KCNN2: variants seen among roughly 807,000 people sequenced by gnomAD.
KCNN2 encodes potassium calcium-activated channel subfamily N member 2, also known as small conductance calcium-activated potassium channel protein 2.
KCNN2 carries 24 observed loss-of-function variants against 55.5 expected under a neutral mutation model. That is an observed-to-expected ratio of 0.43 (90% CI 0.31 to 0.61). The LOEUF (loss-of-function observed/expected upper bound fraction) is 0.61, where lower values mean the gene tolerates loss of function less well. Ranked by LOEUF, KCNN2 falls within the 20% of genes least tolerant of loss-of-function variation. KCNN2 has a pLI of 0.08. For missense variants in KCNN2, 754 were observed against 853.6 expected (o/e 0.88, Z 1.45); for synonymous variants, 431 against 336.1 (o/e 1.28, Z -3.09).
intron 4 of KCNN2, among the ~76,000 whole-genome samples, chr5:114,470,031 A>T (rs1054888473): frequency 6.6e-6 from 1 of 152,156 alleles, no homozygotes; most frequent in South Asian, 2.1e-4. Flanking sequence ...TTACTAAATG[A>T]TTGGATTAAT....
intron 1 of KCNN2, among the ~76,000 whole-genome samples, chr5:114,147,704 C>G (rs917543969): frequency 6.6e-6 from 1 of 152,116 alleles, no homozygotes; most frequent in African/African-American, 2.4e-5. Flanking sequence ...TGAGATAATG[C>G]ATAAGTAGGG....
intron 1 of KCNN2, among the ~76,000 whole-genome samples, chr5:114,152,135 G>T (rs1176206587): frequency 1.3e-5 from 2 of 152,064 alleles, no homozygotes; most frequent in Non-Finnish European, 2.9e-5. Context: ...CAATAAAAAT[G>T]TCTCATTATA....
intron 1 of KCNN2, among the ~76,000 whole-genome samples, chr5:114,105,664 G>T (rs931866533): frequency 6.6e-6 from 1 of 151,790 alleles, no homozygotes; most frequent in Admixed American, 6.6e-5. Flanking sequence ...AAAATACCAG[G>T]GTAATTTGTT....
At chr5:114,210,787 A>G (rs911529307) in intron 1 of KCNN2, among the ~76,000 whole-genome samples, 1 of 152,192 alleles carries the variant, frequency 6.6e-6, no homozygotes, top group Admixed American at 6.6e-5. Flanking sequence ...TCACTGTTTT[A>G]TTAGTATATA....
intron 1 of KCNN2, among the ~76,000 whole-genome samples, chr5:114,183,994 T>C (rs779105514): frequency 6.6e-6 from 1 of 152,172 alleles, no homozygotes; most frequent in Non-Finnish European, 1.5e-5. Context: ...CTGAAAGATA[T>C]ATGCCTTGAT....
At chr5:114,070,643 A>C (rs767489403) in intron 1 of KCNN2, among the ~76,000 whole-genome samples, 1 of 152,214 alleles carries the variant, frequency 6.6e-6, no homozygotes, top group Non-Finnish European at 1.5e-5. Context: ...CAGTATTCTC[A>C]GGACTGACAT....
intron 2 of KCNN2, among the ~76,000 whole-genome samples, chr5:114,305,440 G>A (rs1388039726): frequency 6.6e-6 from 1 of 152,150 alleles, no homozygotes; most frequent in Non-Finnish European, 1.5e-5. Flanking sequence ...TGTTATCTCT[G>A]TGTTGGGGTA....
chr5:114,191,532 T>TA (rs919025201), intron 1 of KCNN2, among the ~76,000 whole-genome samples: 1 of 152,040 alleles, frequency 6.6e-6, no homozygotes, highest in Non-Finnish European at 1.5e-5. Flanking sequence ...GTTTAAGTAA[T>TA]AAAAAAATTA....
rs1561537215 is a variant in KCNN2 at position 114,241,796 on chromosome 5, ATATATATACG to A, written c.-185+20240_-185+20249del. ...TATACATATATACGTATATATATGT[ATATATATACG>A]TATATATATATATGTGTGTATATAT... On this transcript the variant is annotated intron_variant, in intron 2 of 10. Coordinates refer to the KCNN2 transcript ENST00000512097. 2.9e-4 allele frequency among the ~76,000 whole-genome samples: 7 copies of A among 24,344 alleles called. 1 individual carries two copies. Among genetic ancestry groups the A allele is most frequent in the South Asian group, 2.0e-3 (1 of 488 alleles). The allele number at this position is 24,344 out of a possible 152,430, so 16.0% of individuals were successfully genotyped here. A position where few individuals can be genotyped will look rare whatever the true frequency, so the allele number is the denominator to read the frequency against.
intron 2 of KCNN2, among the ~76,000 whole-genome samples, chr5:114,233,863 T>C (rs569061315): frequency 6.6e-6 from 1 of 152,300 alleles, no homozygotes; most frequent in Admixed American, 6.5e-5. Context: ...CCCTATCCTC[T>C]GTATCAGTCA....
chr5:114,285,393 C>A (rs1486082986), intron 2 of KCNN2, among the ~76,000 whole-genome samples: 1 of 150,778 alleles, frequency 6.6e-6, no homozygotes, highest in Non-Finnish European at 1.5e-5. Context: ...TGAGTGCAGT[C>A]TGTGAGGGTG....
At chr5:114,359,022 T>C (rs1757354583), upstream of KCNN2, among the ~76,000 whole-genome samples, 1 of 152,222 alleles carries the variant, frequency 6.6e-6, no homozygotes, top group Non-Finnish European at 1.5e-5. Context: ...TTCATCATCA[T>C]AGTAATACAG....
chr5:114,108,994 A>G (rs142382851), intron 1 of KCNN2, among the ~76,000 whole-genome samples: 28 of 152,064 alleles, frequency 1.8e-4, no homozygotes, highest in Admixed American at 7.9e-4. Flanking sequence ...TCAGTTTATG[A>G]GAGTTGCTGT....
At chr5:114,057,082 C>T (rs964387919) in intron 1 of KCNN2, 2 of 152,138 alleles carry the variant, frequency 1.3e-5, no homozygotes, top group African/African-American at 2.4e-5. Context: ...GTCCTACCTC[C>T]TCTTCTTCTT....
intron 5 of KCNN2, among the ~76,000 whole-genome samples, chr5:114,480,177 A>G (rs1362189922): frequency 6.6e-6 from 1 of 152,178 alleles, no homozygotes; most frequent in African/African-American, 2.4e-5. Flanking sequence ...TAAGGGGGAT[A>G]TTACCACTGA....
intron 1 of KCNN2, among the ~76,000 whole-genome samples, chr5:114,074,721 C>T (rs1313822667): frequency 6.6e-6 from 1 of 152,060 alleles, no homozygotes; most frequent in African/African-American, 2.4e-5. Context: ...TTTCCAACTG[C>T]CCAGAGAGAT....
At chr5:114,072,296 A>T (rs1354942021) in intron 1 of KCNN2, among the ~76,000 whole-genome samples, 1 of 151,880 alleles carries the variant, frequency 6.6e-6, no homozygotes, top group African/African-American at 2.4e-5. Context: ...CCATCTAAAA[A>T]AAAAAAAAAG....
chr5:114,289,717 T>G (rs1421589011), intron 2 of KCNN2, among the ~76,000 whole-genome samples: 1 of 152,154 alleles, frequency 6.6e-6, no homozygotes. Context: ...ACTGATGAAA[T>G]TTTGATAGAA....
intron 1 of KCNN2, among the ~76,000 whole-genome samples, chr5:114,147,792 A>T (rs766346974): frequency 1.3e-5 from 2 of 152,154 alleles, no homozygotes; most frequent in African/African-American, 4.8e-5. Flanking sequence ...AATTGTCAGT[A>T]TGAAGTTGGA....
Sources: allele counts gnomAD v4.1 joint callset (sites outside exome capture counted in the v4.1 genomes callset), GRCh38; gene constraint gnomAD v4.1.1; transcripts MANE v1.5; gene names NCBI Gene and HGNC (gene_info 2026-07-23, HGNC 2026-07-21).